The following ATE1 variants were observed in gnomAD, a reference collection of about 807,000 sequenced individuals.
ATE1 encodes the protein arginyl-tRNA--protein transferase 1.
In ATE1, 36 loss-of-function variants were observed where a neutral mutation model predicts 70.5. That is an observed-to-expected ratio of 0.51 (90% CI 0.39 to 0.67). The LOEUF is 0.67. ATE1 is among the 30% of genes least tolerant of loss of function. The pLI is 0.00. For missense variants in ATE1, 593 were observed against 629.5 expected, an observed-to-expected ratio of 0.94 and a Z score of 0.62; for synonymous variants, 232 against 219.3, an observed-to-expected ratio of 1.06 and a Z score of -0.51.
At chr10:121,758,851 G>A (rs1554886060) in intron 11 of ATE1, among the ~76,000 whole-genome samples, 1 of 152,008 alleles carries the variant, frequency 6.6e-6, no homozygotes, top group Non-Finnish European at 1.5e-5. Context: ...AATTGGTTTG[G>A]GGTATCACAA....
intron 11 of ATE1, among the ~76,000 whole-genome samples, chr10:121,764,203 TAAA>T (rs35119827): frequency 1.4e-5 from 2 of 146,796 alleles, no homozygotes; most frequent in African/African-American, 2.5e-5. Flanking sequence ...CTAAAGCTGT[TAAA>T]AAAAAAAAAA....
intron 10 of ATE1, among the ~76,000 whole-genome samples, chr10:121,796,211 A>G (rs2133332611): frequency 6.6e-6 from 1 of 152,320 alleles, no homozygotes; most frequent in East Asian, 1.9e-4. Context: ...AAATCTTACC[A>G]AGCAAGGGCA....
At chr10:121,793,647 T>G (rs1314154808) in intron 10 of ATE1, among the ~76,000 whole-genome samples, 1 of 152,212 alleles carries the variant, frequency 6.6e-6, no homozygotes, top group Non-Finnish European at 1.5e-5. Flanking sequence ...TTTCATAAAG[T>G]TGGCCCATTT....
At chr10:121,803,850 T>C (rs1180334980) in intron 10 of ATE1, among the ~76,000 whole-genome samples, 1 of 152,232 alleles carries the variant, frequency 6.6e-6, no homozygotes, top group Admixed American at 6.5e-5. Flanking sequence ...CCCAGGGGTG[T>C]AATCTTTGGT....
At chr10:121,859,885 C>T (rs891625228) in intron 8 of ATE1, among the ~76,000 whole-genome samples, 18 of 152,044 alleles carry the variant, frequency 1.2e-4, no homozygotes, top group Non-Finnish European at 2.4e-4. Context: ...GAGGTTGCAG[C>T]GAGCAAGATC....
intron 11 of ATE1, among the ~76,000 whole-genome samples, chr10:121,776,366 C>T (rs1334447275): frequency 6.6e-6 from 1 of 152,102 alleles, no homozygotes; most frequent in Non-Finnish European, 1.5e-5. Flanking sequence ...TCATTGGCCT[C>T]ATGAATATTT....
chr10:121,792,600 TA>T (rs1371051823), intron 10 of ATE1, among the ~76,000 whole-genome samples: 3 of 152,244 alleles, frequency 2.0e-5, no homozygotes, highest in Non-Finnish European at 4.4e-5. Context: ...ATTGAGGATT[TA>T]CTTAGGAAGT....
intron 8 of ATE1, among the ~76,000 whole-genome samples, chr10:121,865,537 T>C (rs1949633484): frequency 6.6e-6 from 1 of 152,164 alleles, no homozygotes. Flanking sequence ...CATCTGTAAG[T>C]GGTGCCACAC....
intron 10 of ATE1, among the ~76,000 whole-genome samples, chr10:121,831,117 C>T (rs894584657): frequency 6.6e-6 from 1 of 152,066 alleles, no homozygotes; most frequent in Non-Finnish European, 1.5e-5. Flanking sequence ...TTAAAAATTA[C>T]TTAATAAGAA....
intron 9 of ATE1, among the ~76,000 whole-genome samples, chr10:121,838,248 A>G (rs941437447): frequency 6.6e-6 from 1 of 151,946 alleles, no homozygotes; most frequent in Non-Finnish European, 1.5e-5. Context: ...GGTTGGCACC[A>G]CATATAAATA....
Position 121,743,450 on chromosome 10 carries a change from T to C in ATE1, c.*230A>G, listed in dbSNP as rs916690220. The C allele has an allele frequency of 2.5e-6, 2 of 790,948 alleles. No individual in the cohort carries two copies. Among genetic ancestry groups the C allele is most frequent in the Non-Finnish European group, 3.3e-6 (2 of 597,348 alleles). The allele number at this position is 790,948 out of a possible 1,614,324, so 49.0% of individuals were successfully genotyped here. A position where few individuals can be genotyped will look rare whatever the true frequency, so the allele number is the denominator to read the frequency against. On this transcript the variant is annotated 3_prime_UTR_variant, in exon 12 of 12. Transcript: ENST00000224652. Reference sequence around the variant, plus strand: ...CTCTAGAAAGAATCCTCCAAAATGATAAATCCCAATTATGGGGGCTAGGTC... The same window carrying C: ...CTCTAGAAAGAATCCTCCAAAATGACAAATCCCAATTATGGGGGCTAGGTC...
intron 10 of ATE1, among the ~76,000 whole-genome samples, chr10:121,804,661 T>C (rs1213786349): frequency 6.6e-6 from 1 of 152,066 alleles, no homozygotes; most frequent in African/African-American, 2.4e-5. Context: ...TGTTGAGCTA[T>C]CAGCTTCTGG....
intron 5 of ATE1, among the ~76,000 whole-genome samples, chr10:121,909,892 A>C (rs1395698729): frequency 6.6e-6 from 1 of 152,034 alleles, no homozygotes; most frequent in East Asian, 1.9e-4. Flanking sequence ...AAAAAATTTT[A>C]AAAGAACTAG....
intron 10 of ATE1, among the ~76,000 whole-genome samples, chr10:121,830,608 G>T (rs1948200505): frequency 6.6e-6 from 1 of 152,102 alleles, no homozygotes; most frequent in Non-Finnish European, 1.5e-5. Context: ...TAACTGAAAT[G>T]AAAATAACTT....
intron 8 of ATE1, among the ~76,000 whole-genome samples, chr10:121,861,382 C>A (rs1949460937): frequency 6.6e-6 from 1 of 151,770 alleles, no homozygotes; most frequent in Non-Finnish European, 1.5e-5. Flanking sequence ...GAAAAGACTT[C>A]CAGTTGATAT....
chr10:121,830,946 T>G (rs1948211749), intron 10 of ATE1, among the ~76,000 whole-genome samples: 2 of 152,190 alleles, frequency 1.3e-5, no homozygotes, highest in African/African-American at 4.8e-5. Flanking sequence ...CTTTCTCTAC[T>G]TTGGACTGTA....
intron 10 of ATE1, among the ~76,000 whole-genome samples, chr10:121,817,336 C>T (rs937597585): frequency 3.3e-5 from 5 of 152,244 alleles, no homozygotes; most frequent in East Asian, 3.9e-4. Context: ...GTCAGGAGAT[C>T]GAGACCACGG....
chr10:121,777,507 C>A (rs1435828755), intron 11 of ATE1, among the ~76,000 whole-genome samples: 1 of 149,828 alleles, frequency 6.7e-6, no homozygotes, highest in Non-Finnish European at 1.5e-5. Flanking sequence ...GATACACATG[C>A]AGTCAAGATA....
intron 10 of ATE1, among the ~76,000 whole-genome samples, chr10:121,800,599 C>T (rs1017945736): frequency 1.1e-4 from 17 of 152,142 alleles, no homozygotes; most frequent in African/African-American, 4.1e-4. Context: ...AATGTAAGTA[C>T]ACCAAAAAGA....
Sources: gnomAD v4.1 joint callset for allele counts (sites outside exome capture counted in the v4.1 genomes callset) on GRCh38, gnomAD v4.1.1 for gene constraint, MANE v1.5 for transcripts, NCBI Gene and HGNC (gene_info 2026-07-23, HGNC 2026-07-21) for gene names.